Variants in SGCD observed in about 807,000 individuals in gnomAD.
SGCD encodes delta-sarcoglycan.
Under a neutral mutation model 36.6 loss-of-function variants are expected in SGCD, and 18 were observed. That is an observed-to-expected ratio of 0.49 (90% CI 0.34 to 0.73). SGCD has a LOEUF of 0.73. Among genes scored for constraint, SGCD ranks in the 30% least tolerant of loss-of-function variants. The pLI, the probability that SGCD is intolerant of heterozygous loss-of-function variation, is 0.01. For missense variants in SGCD, 387 were observed against 346.7 expected, an observed-to-expected ratio of 1.12 and a Z score of -0.92; for synonymous variants, 133 against 130.6, an observed-to-expected ratio of 1.02 and a Z score of -0.12.
chr5:156,097,201 G>T (rs1465530728), intron 1 of SGCD, among the ~76,000 whole-genome samples: 1 of 151,712 alleles, frequency 6.6e-6, no homozygotes, highest in African/African-American at 2.4e-5. Context: ...GGTTTACCCT[G>T]TTTGGTATTC....
At chr5:156,556,800 A>G (rs890861480) in intron 4 of SGCD, among the ~76,000 whole-genome samples, 1 of 152,208 alleles carries the variant, frequency 6.6e-6, no homozygotes, top group Non-Finnish European at 1.5e-5. Context: ...AAATCAGCAA[A>G]TAATGAGAGA....
chr5:156,626,584 C>T (rs1762449109), intron 6 of SGCD, among the ~76,000 whole-genome samples: 1 of 152,090 alleles, frequency 6.6e-6, no homozygotes, highest in Non-Finnish European at 1.5e-5. Context: ...TAAGACAAGT[C>T]GACTTCTACT....
At chr5:156,071,328 G>A (rs963340595) in intron 1 of SGCD, among the ~76,000 whole-genome samples, 1 of 152,144 alleles carries the variant, frequency 6.6e-6, no homozygotes, top group Non-Finnish European at 1.5e-5. Flanking sequence ...CTGGTATGTT[G>A]TATCTTTGTT....
At chr5:155,882,923 AG>A (rs1755921071) in intron 1 of SGCD, among the ~76,000 whole-genome samples, 1 of 152,208 alleles carries the variant, frequency 6.6e-6, no homozygotes, top group Non-Finnish European at 1.5e-5. Context: ...TTCTTCCAAC[AG>A]AAAGCTGATT....
intron 3 of SGCD, among the ~76,000 whole-genome samples, chr5:156,352,016 C>T (rs1769285984): frequency 6.6e-6 from 1 of 152,148 alleles, no homozygotes; most frequent in Non-Finnish European, 1.5e-5. Flanking sequence ...TTCCTGTTTG[C>T]ACACTGATTT....
In SGCD at chr5:156,766,430, C is replaced by A. The variant is rs368911875; in HGVS notation, c.*7040C>A. ...CACCTTGGCAGCCATCATTAATGGG[C>A]CATACCCTTCCCCAGGTGCAGAATT... On this transcript the variant is annotated 3_prime_UTR_variant, in exon 9 of 9. Transcript: ENST00000337851. 18 of 151,816 alleles carry A rather than the reference C, an allele frequency of 1.2e-4. No homozygotes were observed. The highest frequency in any genetic ancestry group is 3.9e-4 in the African/African-American group (16 of 41,322). 9.4% of individuals were successfully genotyped at this position (151,816 alleles called of 1,614,324 possible). A position where few individuals can be genotyped will look rare whatever the true frequency, so the allele number is the denominator to read the frequency against.
chr5:156,320,283 A>G (rs758018098), intron 3 of SGCD, among the ~76,000 whole-genome samples: 2 of 152,206 alleles, frequency 1.3e-5, no homozygotes, highest in African/African-American at 2.4e-5. Context: ...TTGCAAAAAT[A>G]AAGATGAGTG....
At position 156,735,841 on chromosome 5, in the gene SGCD, AC is replaced by A. The variant is rs779126761; in HGVS notation, c.576-21738del. 2.6e-5 allele frequency among the ~76,000 whole-genome samples: 4 copies of A among 152,246 alleles called. No homozygotes were observed. In the East Asian group the frequency reaches 5.8e-4, roughly 22 times the overall value. ...CTACTTGTGCTGGGAAGCCTGGAAA[AC>A]CAGAGTATCTAAAGTTCCCAGGTCT... On this transcript the variant is annotated intron_variant, in intron 7 of 8. Transcript: ENST00000337851.
At chr5:155,764,019 T>G in the SGCD span, among the ~76,000 whole-genome samples, 1 of 152,300 alleles carries the variant, frequency 6.6e-6, no homozygotes, top group African/African-American at 2.4e-5. Context: ...CCTTTTTGCT[T>G]TTTGAAAATT....
At chr5:155,734,240 C>T in the SGCD span, among the ~76,000 whole-genome samples, 52 of 151,146 alleles carry the variant, frequency 3.4e-4, no homozygotes, top group Non-Finnish European at 3.8e-4. Flanking sequence ...GGGTCTGGCT[C>T]TGTTGCCCAG....
chr5:156,641,680 G>T (rs758927605), intron 6 of SGCD, among the ~76,000 whole-genome samples: 35 of 152,286 alleles, frequency 2.3e-4, no homozygotes, highest in African/African-American at 8.2e-4. Context: ...GGCATGGCTG[G>T]CTTTGAGCAT....
chr5:156,544,144 A>T (rs1758465816), intron 4 of SGCD, among the ~76,000 whole-genome samples: 1 of 152,220 alleles, frequency 6.6e-6, no homozygotes, highest in Non-Finnish European at 1.5e-5. Context: ...AGTCTAGGTG[A>T]TATTAGCAAG....
intron 1 of SGCD, among the ~76,000 whole-genome samples, chr5:155,918,808 C>T (rs565606689): frequency 2.6e-5 from 4 of 152,272 alleles, no homozygotes; most frequent in South Asian, 2.1e-4. Flanking sequence ...AATCTCTAGC[C>T]GTCAATAGTT....
At chr5:155,982,324 T>C (rs1207969650) in intron 1 of SGCD, among the ~76,000 whole-genome samples, 1 of 152,200 alleles carries the variant, frequency 6.6e-6, no homozygotes, top group Non-Finnish European at 1.5e-5. Flanking sequence ...AACAAATAAA[T>C]GATAGGAGAA....
the SGCD span, among the ~76,000 whole-genome samples, chr5:155,855,735 G>C: frequency 6.6e-6 from 1 of 152,176 alleles, no homozygotes. Context: ...TCCGGGTTGA[G>C]ATTCAGAGAG....
chr5:155,962,464 G>A (rs1171549257), intron 1 of SGCD, among the ~76,000 whole-genome samples: 1 of 152,070 alleles, frequency 6.6e-6, no homozygotes, highest in African/African-American at 2.4e-5. Flanking sequence ...ATTGGATACT[G>A]TCCAGTGGTT....
chr5:155,782,913 C>T, the SGCD span, among the ~76,000 whole-genome samples: 1 of 151,986 alleles, frequency 6.6e-6, no homozygotes, highest in Non-Finnish European at 1.5e-5. Context: ...GTCCCTGGTG[C>T]TAAAAAGGTT....
intron 4 of SGCD, among the ~76,000 whole-genome samples, chr5:156,534,798 T>C (rs547421124): frequency 6.6e-6 from 1 of 152,296 alleles, no homozygotes; most frequent in South Asian, 2.1e-4. Context: ...TAGAGTTGTT[T>C]TGAAAATTAA....
Position 156,397,126 on chromosome 5 carries a change from G to C in SGCD, c.192+52449G>C, listed in dbSNP as rs754814674. On this transcript the variant is annotated intron_variant, in intron 3 of 8. Coordinates refer to ENST00000337851, the MANE Select transcript of SGCD (RefSeq NM_000337.6). ...TTAACCTGAGCAGGCTGGCATTTGG[G>C]TTATATATTCAGTATCTGGACTTTG... Among the ~76,000 whole-genome samples the C allele has an allele frequency of 3.0e-4, 45 of 152,186 alleles. 1 individual carries two copies. The highest frequency in any genetic ancestry group is 5.4e-4 in the Non-Finnish European group (37 of 68,028).
Sources: allele counts gnomAD v4.1 joint callset (sites outside exome capture counted in the v4.1 genomes callset), GRCh38; gene constraint gnomAD v4.1.1; transcripts MANE v1.5; gene names NCBI Gene and HGNC (gene_info 2026-07-23, HGNC 2026-07-21).